The following PTPRM variants were observed in gnomAD, a reference collection of about 807,000 sequenced individuals.
PTPRM encodes the protein receptor-type tyrosine-protein phosphatase mu.
PTPRM carries 47 observed loss-of-function variants against 186.7 expected under a neutral mutation model. That is an observed-to-expected ratio of 0.25 (90% CI 0.20 to 0.32). The LOEUF (loss-of-function observed/expected upper bound fraction) is 0.32, where lower values mean the gene tolerates loss of function less well. PTPRM is among the 10% of genes least tolerant of loss of function. The pLI, the probability that PTPRM is intolerant of heterozygous loss-of-function variation, is 1.00. For missense variants in PTPRM, 1,494 were observed against 1,865.0 expected (o/e 0.80, Z 3.66); for synonymous variants, 668 against 674.9 (o/e 0.99, Z 0.16).
intron 22 of PTPRM, among the ~76,000 whole-genome samples, chr18:8,332,865 G>T (rs1277707231): frequency 1.3e-5 from 2 of 152,156 alleles, no homozygotes; most frequent in Non-Finnish European, 2.9e-5. Flanking sequence ...TTCTAATAAG[G>T]TATATTTTAT....
At chr18:8,096,389 C>T (rs573033708) in intron 11 of PTPRM, among the ~76,000 whole-genome samples, 2 of 152,322 alleles carry the variant, frequency 1.3e-5, no homozygotes, top group South Asian at 2.1e-4. Flanking sequence ...CTTGCACATT[C>T]GTGGAGGCGA....
At chr18:7,978,502 AT>A (rs1324815559) in intron 7 of PTPRM, among the ~76,000 whole-genome samples, 1 of 152,198 alleles carries the variant, frequency 6.6e-6, no homozygotes, top group Non-Finnish European at 1.5e-5. Context: ...GGCCCAAAGG[AT>A]ATCTAGACTT....
At chr18:7,837,179 G>A (rs2046092587) in intron 2 of PTPRM, among the ~76,000 whole-genome samples, 1 of 151,996 alleles carries the variant, frequency 6.6e-6, no homozygotes, top group Non-Finnish European at 1.5e-5. Flanking sequence ...AGTTCCTATA[G>A]GTGTGCTTCA....
intron 20 of PTPRM, among the ~76,000 whole-genome samples, chr18:8,302,403 G>A (rs1397678116): frequency 2.6e-5 from 4 of 152,146 alleles, no homozygotes; most frequent in Admixed American, 6.5e-5. Context: ...AGAGAAGGAG[G>A]GAGGTGGAAG....
intron 14 of PTPRM, among the ~76,000 whole-genome samples, chr18:8,191,988 A>G (rs957673418): frequency 3.9e-5 from 6 of 152,054 alleles, no homozygotes; most frequent in African/African-American, 1.4e-4. Context: ...TCTAAGGACA[A>G]AAAACTGAAA....
intron 13 of PTPRM, among the ~76,000 whole-genome samples, chr18:8,142,352 A>G (rs1408428057): frequency 6.6e-6 from 1 of 152,194 alleles, no homozygotes; most frequent in Non-Finnish European, 1.5e-5. Flanking sequence ...TCCTGGGGTC[A>G]GTCTAATGAC....
intron 11 of PTPRM, among the ~76,000 whole-genome samples, chr18:8,101,325 T>G (rs1339061818): frequency 1.3e-5 from 2 of 152,188 alleles, no homozygotes; most frequent in Non-Finnish European, 2.9e-5. Flanking sequence ...AACACAGATG[T>G]TATCTGTTCA....
At chr18:7,592,086 A>C (rs1474760672) in intron 1 of PTPRM, among the ~76,000 whole-genome samples, 1 of 152,198 alleles carries the variant, frequency 6.6e-6, no homozygotes, top group Admixed American at 6.5e-5. Flanking sequence ...TAAATTATTT[A>C]TTGCATTACA....
intron 20 of PTPRM, among the ~76,000 whole-genome samples, chr18:8,302,757 TG>T (rs1199315141): frequency 1.3e-5 from 2 of 151,692 alleles, no homozygotes; most frequent in Admixed American, 1.3e-4. Context: ...GTTAGATGGA[TG>T]ATGGGCAGTT....
At chr18:8,397,149 G>A (rs2095849053) in intron 32 of PTPRM, among the ~76,000 whole-genome samples, 2 of 152,232 alleles carry the variant, frequency 1.3e-5, no homozygotes, top group African/African-American at 4.8e-5. Flanking sequence ...GGGCACTTCC[G>A]AGTGTCTGCA....
At chr18:8,292,213 T>A (rs2095050378) in intron 19 of PTPRM, among the ~76,000 whole-genome samples, 1 of 152,318 alleles carries the variant, frequency 6.6e-6, no homozygotes, top group Middle Eastern at 3.4e-3. Flanking sequence ...ACTTTAGGCA[T>A]AAGAGGGAGT....
chr18:7,782,660 G>T (rs904528217), intron 2 of PTPRM, among the ~76,000 whole-genome samples: 7 of 152,104 alleles, frequency 4.6e-5, no homozygotes, highest in Non-Finnish European at 8.8e-5. Flanking sequence ...GGCCACTCTA[G>T]GTAGCTTATG....
chr18:7,940,924 C>T (rs982352185), intron 5 of PTPRM, among the ~76,000 whole-genome samples: 11 of 151,960 alleles, frequency 7.2e-5, no homozygotes, highest in Admixed American at 6.6e-5. Flanking sequence ...TCAGACTTTC[C>T]TTGGGGTGTC....
intron 14 of PTPRM, among the ~76,000 whole-genome samples, chr18:8,162,154 C>T (rs2093243153): frequency 6.6e-6 from 1 of 150,526 alleles, no homozygotes; most frequent in African/African-American, 2.4e-5. Context: ...AGCTGGAGTG[C>T]AATGGCGCCA....
chr18:8,152,712 C>CTTTTTTTTTTTTTTTTT (rs35112154), intron 14 of PTPRM, among the ~76,000 whole-genome samples: 1 of 56,928 alleles, frequency 1.8e-5, no homozygotes, highest in Non-Finnish European at 2.9e-5. Flanking sequence ...TGCCTCACCT[C>CTTTTTTTTTTTTTTTTT]TTTTTTTTTT....
chr18:8,030,260 G>A (rs138595175), intron 7 of PTPRM, among the ~76,000 whole-genome samples: 118 of 152,284 alleles, frequency 7.7e-4, no homozygotes, highest in African/African-American at 2.7e-3. Flanking sequence ...TACCTTATAC[G>A]TCTTTAATTT....
chr18:8,063,406 C>G (rs2088783311), intron 7 of PTPRM, among the ~76,000 whole-genome samples: 1 of 152,110 alleles, frequency 6.6e-6, no homozygotes, highest in Non-Finnish European at 1.5e-5. Flanking sequence ...AATCACCCGT[C>G]TTCTGCGTCG....
chr18:8,344,050 T>C (rs1443357158), intron 23 of PTPRM, among the ~76,000 whole-genome samples: 2 of 152,220 alleles, frequency 1.3e-5, no homozygotes, highest in African/African-American at 4.8e-5. Context: ...GAGCAGTGCT[T>C]TTATTTAACC....
intron 7 of PTPRM, among the ~76,000 whole-genome samples, chr18:8,053,239 T>G (rs1164732464): frequency 1.3e-5 from 2 of 152,216 alleles, no homozygotes; most frequent in Non-Finnish European, 2.9e-5. Flanking sequence ...TTTTGATAAA[T>G]ATGTTCTTAA....
Sources: gnomAD v4.1 joint callset for allele counts (sites outside exome capture counted in the v4.1 genomes callset) on GRCh38, gnomAD v4.1.1 for gene constraint, MANE v1.5 for transcripts, NCBI Gene and HGNC (gene_info 2026-07-23, HGNC 2026-07-21) for gene names.